Variants in NTM observed in about 807,000 individuals in gnomAD.
The protein encoded by NTM is IgLON family member 2.
A neutral mutation model predicts 42.1 loss-of-function variants in NTM; 13 were observed. That is an observed-to-expected ratio of 0.31 (90% CI 0.20 to 0.49). The LOEUF (loss-of-function observed/expected upper bound fraction) is 0.49. NTM is among the 20% of genes least tolerant of loss of function. The probability of loss-of-function intolerance (pLI) is 0.99; values close to 1 mark genes in which losing one functional copy is unlikely to be tolerated. For synonymous variants in NTM, 187 were observed against 179.2 expected (o/e 1.04, Z -0.35); for missense variants, 373 against 452.8 (o/e 0.82, Z 1.60).
intron 2 of NTM, among the ~76,000 whole-genome samples, chr11:132,033,428 A>G (rs2135687883): frequency 6.6e-6 from 1 of 152,372 alleles, no homozygotes; most frequent in Non-Finnish European, 1.5e-5. Context: ...ATTCCAATGC[A>G]AAGTAGAAAG....
At chr11:132,194,118 C>G (rs951305836) in intron 3 of NTM, among the ~76,000 whole-genome samples, 1 of 43,324 alleles carries the variant, frequency 2.3e-5, no homozygotes, top group African/African-American at 1.1e-4. Flanking sequence ...TTCTATGAAG[C>G]CAGCATTATA....
At chr11:132,085,496 AC>A (rs1397300962) in intron 2 of NTM, among the ~76,000 whole-genome samples, 1 of 152,230 alleles carries the variant, frequency 6.6e-6, no homozygotes, top group Non-Finnish European at 1.5e-5. Flanking sequence ...CTAGTATCTG[AC>A]CCGTATAATT....
At chr11:132,251,474 CA>C (rs1238622215) in intron 4 of NTM, among the ~76,000 whole-genome samples, 4 of 152,190 alleles carry the variant, frequency 2.6e-5, no homozygotes, top group Non-Finnish European at 5.9e-5. Flanking sequence ...ACCTAATCTG[CA>C]GTACCTGTTT....
chr11:132,087,118 G>GA (rs1012082125), intron 2 of NTM, among the ~76,000 whole-genome samples: 7 of 152,006 alleles, frequency 4.6e-5, no homozygotes, highest in South Asian at 2.1e-4. Context: ...AGGGAGAAAA[G>GA]AAAAAAACGT....
intron 1 of NTM, among the ~76,000 whole-genome samples, chr11:131,430,254 G>A (rs1948544867): frequency 6.6e-6 from 1 of 152,168 alleles, no homozygotes; most frequent in Non-Finnish European, 1.5e-5. Flanking sequence ...ATGTGTGAAG[G>A]CATAGGTAGT....
At chr11:131,737,636 G>A (rs1194268860) in intron 1 of NTM, among the ~76,000 whole-genome samples, 1 of 152,122 alleles carries the variant, frequency 6.6e-6, no homozygotes, top group Non-Finnish European at 1.5e-5. Context: ...CAATGTCCGT[G>A]CTCTCTGCTC....
At chr11:131,491,421 G>A (rs1377477632) in intron 1 of NTM, among the ~76,000 whole-genome samples, 4 of 139,754 alleles carry the variant, frequency 2.9e-5, no homozygotes, top group African/African-American at 1.3e-4. Flanking sequence ...GTATATTTTA[G>A]CCTTTAAAAA....
intron 2 of NTM, among the ~76,000 whole-genome samples, chr11:132,118,160 C>T (rs141095994): frequency 0.028 from 4,246 of 152,206 alleles, 81 homozygotes; most frequent in Middle Eastern, 0.11. Flanking sequence ...ACATGAATTT[C>T]TTTAGTATTT....
At chr11:131,592,015 A>G (rs1364042314) in intron 1 of NTM, among the ~76,000 whole-genome samples, 1 of 152,186 alleles carries the variant, frequency 6.6e-6, no homozygotes, top group African/African-American at 2.4e-5. Flanking sequence ...ATACAAATAG[A>G]GCACTTTTGC....
intron 2 of NTM, among the ~76,000 whole-genome samples, chr11:131,993,080 T>C (rs1011410091): frequency 2.0e-5 from 3 of 152,156 alleles, no homozygotes; most frequent in Non-Finnish European, 2.9e-5. Context: ...GTTATTCTAA[T>C]GCCTAGATAG....
chr11:131,411,892 A>G (rs1463085346), intron 1 of NTM, among the ~76,000 whole-genome samples: 2 of 152,152 alleles, frequency 1.3e-5, no homozygotes, highest in African/African-American at 4.8e-5. Flanking sequence ...CAAAACTATA[A>G]GCAGCATTTG....
At chr11:131,914,296 ATCTT>A (rs753177261) in intron 2 of NTM, among the ~76,000 whole-genome samples, 1 of 151,624 alleles carries the variant, frequency 6.6e-6, no homozygotes, top group Non-Finnish European at 1.5e-5. Context: ...CCTTCCATCT[ATCTT>A]TCTTTCTTCT....
intron 2 of NTM, among the ~76,000 whole-genome samples, chr11:132,019,628 C>T (rs1477383497): frequency 2.0e-5 from 3 of 151,848 alleles, no homozygotes; most frequent in Admixed American, 2.0e-4. Context: ...AAAAAAATTT[C>T]CTTTCCAATT....
rs568913885 is a variant in NTM at position 132,096,763 on chromosome 11, G to A, written c.168-49519G>A. On this transcript the variant is annotated intron_variant, in intron 2 of 8. Transcript: ENST00000683400. The stretch of plus-strand genomic sequence containing the variant: ...TGGTCTAGGGCCTGCGGGGAGGGGA[G>A]TCGACATTTACAAGCCATAAATCAT... Among the ~76,000 whole-genome samples, 3 of 152,272 alleles carry A rather than the reference G, an allele frequency of 2.0e-5. No homozygotes were observed. The South Asian group carries it at 6.2e-4, about 32-fold the overall frequency.
At chr11:132,138,126 A>C (rs1046315166) in intron 2 of NTM, among the ~76,000 whole-genome samples, 4 of 152,094 alleles carry the variant, frequency 2.6e-5, no homozygotes, top group African/African-American at 9.7e-5. Flanking sequence ...CTCAACACTT[A>C]CCAAGATCCA....
At chr11:131,680,667 G>T (rs2072435367) in intron 1 of NTM, among the ~76,000 whole-genome samples, 1 of 151,948 alleles carries the variant, frequency 6.6e-6, no homozygotes, top group Non-Finnish European at 1.5e-5. Context: ...CTCTGTGTCT[G>T]TGTGTGAGAT....
At chr11:131,859,748 G>A (rs377205035) in intron 1 of NTM, among the ~76,000 whole-genome samples, 14 of 152,288 alleles carry the variant, frequency 9.2e-5, no homozygotes, top group African/African-American at 2.9e-4. Context: ...CTTTGCAAAT[G>A]CCTGGTTTAA....
intron 1 of NTM, among the ~76,000 whole-genome samples, chr11:131,527,932 A>T (rs539836250): frequency 6.6e-6 from 1 of 152,338 alleles, no homozygotes; most frequent in Admixed American, 6.5e-5. Flanking sequence ...TAACCTAAAA[A>T]TCTGAAATCT....
At chr11:131,687,989 CCCT>C (rs1362101719) in intron 1 of NTM, among the ~76,000 whole-genome samples, 4 of 152,232 alleles carry the variant, frequency 2.6e-5, no homozygotes, top group Non-Finnish European at 5.9e-5. Context: ...GATGGAATAG[CCCT>C]CCTCTGAATG....
Sources: allele counts gnomAD v4.1 joint callset (sites outside exome capture counted in the v4.1 genomes callset), GRCh38; gene constraint gnomAD v4.1.1; transcripts MANE v1.5; gene names NCBI Gene and HGNC (gene_info 2026-07-23, HGNC 2026-07-21).